PARD3B: variants seen among roughly 807,000 people sequenced by gnomAD.
The protein encoded by PARD3B is partitioning defective 3 homolog B.
A neutral mutation model predicts 130.2 loss-of-function variants in PARD3B; 103 were observed. The ratio of observed to expected loss-of-function variants is 0.79; its 90% CI spans 0.67 to 0.93. The LOEUF (loss-of-function observed/expected upper bound fraction) is 0.93, where lower values mean the gene tolerates loss of function less well. PARD3B is among the 40% of genes least tolerant of loss of function. The pLI is 0.00. For missense variants in PARD3B, 1,609 were observed against 1,499.2 expected, an observed-to-expected ratio of 1.07 and a Z score of -1.21; for synonymous variants, 583 against 553.2, an observed-to-expected ratio of 1.05 and a Z score of -0.76.
Position 205,463,599 on chromosome 2 carries a change from T to C in PARD3B, c.3044+22927T>C, listed in dbSNP as rs765571132. Among the ~76,000 whole-genome samples the C allele has an allele frequency of 6.6e-6, 1 of 152,228 alleles. No homozygotes were observed. The highest frequency in any genetic ancestry group is 1.5e-5 in the Non-Finnish European group (1 of 68,040). On this transcript the variant is annotated intron_variant, in intron 20 of 22. Transcript: ENST00000406610. This position sits in a 1 kb window ranked among gnomAD's most constrained non-coding sequence, Gnocchi z 4.8. ...GGTTAGCTATTTGTGAACCAACTGA[T>C]AATGTGCAAAATTAAGATTTCGTAA...
chr2:204,568,077 CA>C, intron 1 of PARD3B, among the ~76,000 whole-genome samples: 1 of 152,186 alleles, frequency 6.6e-6, no homozygotes, highest in Non-Finnish European at 1.5e-5. Flanking sequence ...AATGACAAAT[CA>C]AAAGGGCAAA....
chr2:205,270,577 CAAAA>C (rs1043945812), intron 16 of PARD3B, among the ~76,000 whole-genome samples: 5 of 149,948 alleles, frequency 3.3e-5, no homozygotes, highest in Admixed American at 6.6e-5. Context: ...AAAAAAAAAA[CAAAA>C]AGAAAGAAAG....
In PARD3B at chr2:205,525,598, T is replaced by G. The variant is rs1334272966; in HGVS notation, c.3180+25567T>G. Among the ~76,000 whole-genome samples, 2 of 152,092 alleles carry G rather than the reference T, an allele frequency of 1.3e-5. No individual in the cohort carries two copies. Among genetic ancestry groups the G allele is most frequent in the African/African-American group, 4.8e-5 (2 of 41,406 alleles). ...GACTTTATTAGCTCCTAGACTGAGG[T>G]CTATTGTGCGGATGCTAATCTAATA... On this transcript the variant is annotated intron_variant, in intron 21 of 22. Coordinates refer to ENST00000406610, the MANE Select transcript of PARD3B (RefSeq NM_001302769.2). The surrounding 1 kb of genome is among the most constrained non-coding windows in gnomAD (Gnocchi z 4.2).
In PARD3B at chr2:204,563,898, C is replaced by T. The variant is rs867337817; in HGVS notation, c.120+17779C>T. On this transcript the variant is annotated intron_variant, in intron 1 of 22. Transcript: ENST00000406610. ...ACGCCATTCTCCTGCCTCAGCCTCC[C>T]GAGTAGCTGGGACTACAGGCACCCG... Among the ~76,000 whole-genome samples the T allele has an allele frequency of 1.1e-4, 17 of 152,098 alleles. No individual in the cohort carries two copies. The South Asian group carries it at 1.2e-3, about 11-fold the overall frequency.
chr2:205,465,367 C>T (rs1006375496), intron 20 of PARD3B, among the ~76,000 whole-genome samples: 5 of 152,056 alleles, frequency 3.3e-5, no homozygotes, highest in South Asian at 2.1e-4. Context: ...AAGGAACTGG[C>T]GCGATATTAT....
In PARD3B at chr2:205,301,759, AC is replaced by A; in HGVS notation, c.2630+59del. On this transcript the variant is annotated intron_variant, in intron 18 of 22. Transcript: ENST00000406610. The surrounding 1 kb of genome is among the most constrained non-coding windows in gnomAD (Gnocchi z 5.2). The stretch of plus-strand genomic sequence containing the variant: ...TCATTTTGTCTCTCCTGGTAAAATC[AC>A]TCCTTTGTCTGTACTCAGAAAAAAG... 2.5e-6 allele frequency: 4 copies of A among 1,613,616 alleles called. No homozygotes were observed. The highest frequency in any genetic ancestry group is 3.4e-6 in the Non-Finnish European group (4 of 1,179,800).
At chr2:204,790,608 C>T (rs2042166927) in intron 2 of PARD3B, among the ~76,000 whole-genome samples, 1 of 152,204 alleles carries the variant, frequency 6.6e-6, no homozygotes, top group African/African-American at 2.4e-5. Context: ...AAAGCACCAT[C>T]TAAGAGTCTG....
At chr2:205,205,441 T>A (rs182864752) in intron 15 of PARD3B, among the ~76,000 whole-genome samples, 1 of 152,304 alleles carries the variant, frequency 6.6e-6, no homozygotes, top group Non-Finnish European at 1.5e-5. Context: ...CTTTATTTTT[T>A]TCTCTTGCCT....
intron 16 of PARD3B, among the ~76,000 whole-genome samples, chr2:205,284,326 T>A (rs959507100): frequency 1.4e-4 from 21 of 152,126 alleles, no homozygotes; most frequent in African/African-American, 5.1e-4. Flanking sequence ...AAATATTCCC[T>A]CCCTCCCTAA....
At chr2:205,088,691 G>T (rs1198101882) in intron 4 of PARD3B, among the ~76,000 whole-genome samples, 1 of 152,084 alleles carries the variant, frequency 6.6e-6, no homozygotes, top group African/African-American at 2.4e-5. Context: ...TCCTTTGTAT[G>T]TCTTTCTGCC....
intron 18 of PARD3B, among the ~76,000 whole-genome samples, chr2:205,371,696 G>A (rs2044824013): frequency 1.3e-5 from 2 of 152,148 alleles, no homozygotes; most frequent in African/African-American, 4.8e-5. Flanking sequence ...TTTGATTTGG[G>A]GAAGAGAGGG....
chr2:205,034,235 G>A lies in PARD3B; in HGVS notation c.395-13346G>A, dbSNP rs569664117. 9.2e-5 allele frequency among the ~76,000 whole-genome samples: 14 copies of A among 152,274 alleles called. No individual in the cohort carries two copies. In the East Asian group the frequency reaches 2.7e-3, roughly 29 times the overall value. On this transcript the variant is annotated intron_variant, in intron 3 of 22. Coordinates refer to ENST00000406610, the MANE Select transcript of PARD3B (RefSeq NM_001302769.2). ...GTTCAATTTGGCATGCCTCTGTTGAGTGCCTATTCTGCTAGGGATCCTAAG... is the reference window on the plus strand; with the variant it reads ...GTTCAATTTGGCATGCCTCTGTTGAATGCCTATTCTGCTAGGGATCCTAAG...
At chr2:205,224,819 G>C (rs930688174) in intron 15 of PARD3B, among the ~76,000 whole-genome samples, 1 of 151,474 alleles carries the variant, frequency 6.6e-6, no homozygotes, top group African/African-American at 2.4e-5. Flanking sequence ...TTATTCCATG[G>C]GTCGAAAGAA....
intron 5 of PARD3B, among the ~76,000 whole-genome samples, chr2:205,111,447 ATGTT>A (rs1703639498): frequency 6.6e-6 from 1 of 152,046 alleles, no homozygotes; most frequent in African/African-American, 2.4e-5. Context: ...CTACTTAAAA[ATGTT>A]TGGCTTTCTT....
intron 1 of PARD3B, among the ~76,000 whole-genome samples, chr2:204,674,602 ATTAAAG>A (rs1406752498): frequency 1.3e-5 from 2 of 152,270 alleles, no homozygotes; most frequent in African/African-American, 4.8e-5. Flanking sequence ...GAGTTAGTTT[ATTAAAG>A]TTAACTTATT....
chr2:204,829,130 A>C (rs2043706314), intron 2 of PARD3B, among the ~76,000 whole-genome samples: 1 of 152,222 alleles, frequency 6.6e-6, no homozygotes, highest in African/African-American at 2.4e-5. Flanking sequence ...ATAACTGTGA[A>C]TATGTACTTA....
intron 19 of PARD3B, among the ~76,000 whole-genome samples, chr2:205,426,694 T>A (rs1371073870): frequency 6.6e-6 from 1 of 152,206 alleles, no homozygotes. Context: ...CAGTCAGAGC[T>A]ATGCTATTGT....
intron 22 of PARD3B, among the ~76,000 whole-genome samples, chr2:205,588,813 T>C (rs768309815): frequency 5.3e-5 from 8 of 152,380 alleles, no homozygotes; most frequent in South Asian, 4.1e-4. Flanking sequence ...CTTCAGTTCT[T>C]AGGAAATCTT....
chr2:204,965,369 G>C (rs140887392), intron 3 of PARD3B, 46 bp downstream of exon 3: 14 of 1,561,242 alleles, frequency 9.0e-6, no homozygotes, highest in Middle Eastern at 1.7e-4. Flanking sequence ...CTGAAGATCC[G>C]TCATCTTGTT....
Sources: gnomAD v4.1 joint callset for allele counts (sites outside exome capture counted in the v4.1 genomes callset) on GRCh38, gnomAD v4.1.1 for gene constraint, Gnocchi (gnomAD v3.1) non-coding constraint, MANE v1.5 for transcripts, NCBI Gene and HGNC (gene_info 2026-07-23, HGNC 2026-07-21) for gene names.